Variants in DGKA observed in about 807,000 individuals in gnomAD.
The protein encoded by DGKA is diacylglycerol kinase alpha, also known as 80 kDa diacylglycerol kinase.
DGKA carries 35 observed loss-of-function variants against 105.0 expected under a neutral mutation model. The ratio of observed to expected loss-of-function variants is 0.33; its 90% CI spans 0.25 to 0.44. DGKA has a LOEUF of 0.44. Ranked by LOEUF, DGKA falls within the 20% of genes least tolerant of loss-of-function variation. The pLI is 1.00. For synonymous variants in DGKA, 296 were observed against 332.0 expected (o/e 0.89, Z 1.18); for missense variants, 665 against 915.0 (o/e 0.73, Z 3.53).
At chr12:55,942,359 G>A (rs548299582) in intron 17 of DGKA, 96 bp downstream of exon 17, 2 of 1,177,824 alleles carry the variant, frequency 1.7e-6, no homozygotes, top group Non-Finnish European at 1.3e-6. Context: ...GTATGGAAAG[G>A]ATTGGGGAAG....
At chr12:55,927,787 G>A, upstream of DGKA, 1 of 1,537,012 alleles carries the variant, frequency 6.5e-7, no homozygotes, top group Non-Finnish European at 8.7e-7. Flanking sequence ...GGACCAGGTT[G>A]GGCGGGCGGC....
At chr12:55,934,077 C>A (rs918730166) in intron 1 of DGKA, among the ~76,000 whole-genome samples, 1 of 152,122 alleles carries the variant, frequency 6.6e-6, no homozygotes, top group Non-Finnish European at 1.5e-5. Context: ...ATTTGCAAGT[C>A]CATTCTCTTA....
chr12:55,940,202 C>T lies in DGKA; in HGVS notation c.798+32C>T, dbSNP rs866840400. 1 of 1,613,774 alleles carries T rather than the reference C, an allele frequency of 6.2e-7. No homozygotes were observed. Reference sequence around the variant, plus strand: ...GATCTCATGCCTCCACCCCCAACATCACCTACATCCTGGCCCTGGCCCTGG... The same window carrying T: ...GATCTCATGCCTCCACCCCCAACATTACCTACATCCTGGCCCTGGCCCTGG... On this transcript the variant is annotated intron_variant, in intron 10 of 23. Transcript: ENST00000331886. This position sits in a 1 kb window ranked among gnomAD's most constrained non-coding sequence, Gnocchi z 4.3.
rs773012880 is a variant in DGKA at position 55,952,142 on chromosome 12, G to A, written c.1652+43G>A. 5 of 1,612,462 alleles carry A rather than the reference G, an allele frequency of 3.1e-6. No individual in the cohort carries two copies. Among genetic ancestry groups the A allele is most frequent in the Admixed American group, 1.7e-5 (1 of 60,004 alleles). ...GCAGTGTGGGCATACACAGTGTCAG[G>A]AGCCAGGTTTTGACCAAGTTTGACT... On this transcript the variant is annotated intron_variant, in intron 19 of 23. Transcript: ENST00000331886. The surrounding 1 kb of genome is among the most constrained non-coding windows in gnomAD (Gnocchi z 5.1).
At position 55,940,660 on chromosome 12, in the gene DGKA, T is replaced by A; in HGVS notation, c.955T>A (p.Cys319Ser). ...DDCLQAVGHE[C>S]DCGLLRDHIL... ...CTGCCTGCAAGCGGTGGGCCATGAG[T>A]GTGACTGTGGGCTGCTCCGGGATCA... The change falls in exon 12 of 24, where the codon TGT becomes AGT. Residue 319 changes from cysteine to serine, a missense_variant. Physicochemically the swap from Cys to Ser is moderately radical, Grantham distance 112. This residue lies in a region of DGKA where 504 missense variants were observed against 681.2 expected (regional missense o/e 0.74). Transcript: ENST00000331886. This position sits in a 1 kb window ranked among gnomAD's most constrained non-coding sequence, Gnocchi z 4.3. 1 of 1,599,810 alleles carries A rather than the reference T, an allele frequency of 6.3e-7. No individual in the cohort carries two copies. Among genetic ancestry groups the A allele is most frequent in the East Asian group, 2.2e-5 (1 of 44,756 alleles).
In DGKA at chr12:55,952,362, C is replaced by T. The variant is rs1252885925; in HGVS notation, c.1674C>T (p.Tyr558=). 6.2e-7 allele frequency: 1 copy of T among 1,614,152 alleles called. No homozygotes were observed. Among genetic ancestry groups the T allele is most frequent in the East Asian group, 2.2e-5 (1 of 44,880 alleles). ...ACAGAATGAAGAACAAGCTATGGTA[C>T]TTCGAATTTGCCACATCTGAATCCA... ...FNSRMKNKLW[Y]FEFATSESIF... is the part of the protein sequence containing the mutation. Residue 558 remains tyrosine, a synonymous_variant, in exon 20 of 24, where the codon TAC becomes TAT. Transcript: ENST00000331886. This position sits in a 1 kb window ranked among gnomAD's most constrained non-coding sequence, Gnocchi z 5.1.
chr12:55,945,016 T>C (rs1886730666), intron 17 of DGKA, among the ~76,000 whole-genome samples: 1 of 152,140 alleles, frequency 6.6e-6, no homozygotes, highest in South Asian at 2.1e-4. Flanking sequence ...GCCAGGCTGG[T>C]CTCGAGCTCC....
rs1888419430 is a variant in DGKA, at chr12:55,952,818, A to C, written c.1828A>C (p.Asn610His). The C allele has an allele frequency of 6.2e-7, 1 of 1,614,158 alleles. No individual in the cohort carries two copies. The highest frequency in any genetic ancestry group is 8.5e-7 in the Non-Finnish European group (1 of 1,180,026). ...LNIPSMHGGS[N>H]LWGDTRRPHG... Reference sequence around the variant, plus strand: ...CATCCCTAGCATGCATGGTGGCTCCAACCTCTGGGGTGATACCAGGAGACC... The same window carrying C: ...CATCCCTAGCATGCATGGTGGCTCCCACCTCTGGGGTGATACCAGGAGACC... Residue 610 changes from asparagine to histidine, a missense_variant, in exon 21 of 24, where the codon AAC becomes CAC. Asn to His is a moderately conservative substitution (Grantham distance 68). Around this residue, in one of 3 missense-constraint regions of DGKA, gnomAD observed 158 missense variants for 213.4 expected, o/e 0.74. Coordinates refer to ENST00000331886, the MANE Select transcript of DGKA (RefSeq NM_001345.5). The surrounding 1 kb of genome is among the most constrained non-coding windows in gnomAD (Gnocchi z 5.1).
intron 1 of DGKA, chr12:55,935,829 C>T: frequency 1.0e-5 from 10 of 961,050 alleles, no homozygotes; most frequent in Non-Finnish European, 1.2e-5. Flanking sequence ...GGTTCTGTGT[C>T]GCGCGTCAGA....
intron 1 of DGKA, among the ~76,000 whole-genome samples, chr12:55,934,570 T>G (rs1254996850): frequency 2.6e-5 from 4 of 152,216 alleles, no homozygotes; most frequent in African/African-American, 9.6e-5. Flanking sequence ...GGAAAAGGGC[T>G]AGGCTGTTCT....
At position 55,932,268 on chromosome 12, in the gene DGKA, G is replaced by T; in HGVS notation, c.-82+924G>T. ...ACAGCTGGAGCGGGTATCGAGAAGG[G>T]TCTGCGCTGGGACGCGGGGGTGCAG... On this transcript the variant is annotated intron_variant, in intron 1 of 23. Coordinates refer to ENST00000331886, the MANE Select transcript of DGKA (RefSeq NM_001345.5). This position sits in a 1 kb window ranked among gnomAD's most constrained non-coding sequence, Gnocchi z 4.3. The T allele has an allele frequency of 2.0e-6, 1 of 497,990 alleles. No homozygotes were observed. The highest frequency in any genetic ancestry group is 3.7e-6 in the Non-Finnish European group (1 of 272,886). The allele number at this position is 497,990 out of a possible 1,614,324, so 30.8% of individuals were successfully genotyped here. A position where few individuals can be genotyped will look rare whatever the true frequency, so the allele number is the denominator to read the frequency against.
At chr12:55,927,577 G>A (rs1364036122), upstream of DGKA, 1 of 1,037,242 alleles carries the variant, frequency 9.6e-7, no homozygotes, top group Admixed American at 2.4e-5. Context: ...GGGCGCACAA[G>A]TGTTTCTAGG....
In DGKA at chr12:55,952,799, T is replaced by C; in HGVS notation, c.1809T>C (p.Pro603=). 6.2e-7 allele frequency: 1 copy of C among 1,614,082 alleles called. No individual in the cohort carries two copies. Among genetic ancestry groups the C allele is most frequent in the East Asian group, 2.2e-5 (1 of 44,882 alleles). The change falls in exon 21 of 24, where the codon CCT becomes CCC. Residue 603 remains proline, a synonymous_variant. Coordinates refer to ENST00000331886, the MANE Select transcript of DGKA (RefSeq NM_001345.5). The surrounding 1 kb of genome is among the most constrained non-coding windows in gnomAD (Gnocchi z 5.1). ...AAGGCATCGCAGTGCTAAACATCCC[T>C]AGCATGCATGGTGGCTCCAACCTCT... ...SLEGIAVLNI[P]SMHGGSNLWG... is the part of the protein sequence containing the mutation.
chr12:55,953,480 G>A, intron 23 of DGKA, 70 bp downstream of exon 23: 2 of 1,511,144 alleles, frequency 1.3e-6, no homozygotes, highest in East Asian at 4.5e-5. Context: ...CCATTCCACA[G>A]CTTCTTTACA....
At chr12:55,953,549 C>A in intron 23 of DGKA, 136 bp from the exon 24 acceptor site, 4 of 1,315,332 alleles carry the variant, frequency 3.0e-6, no homozygotes, top group South Asian at 1.3e-5. Context: ...GATTTCTCAG[C>A]CCCTGGTTTC....
intron 17 of DGKA, among the ~76,000 whole-genome samples, chr12:55,946,564 C>T (rs1316289391): frequency 6.6e-6 from 1 of 152,160 alleles, no homozygotes; most frequent in Non-Finnish European, 1.5e-5. Context: ...GCCATGTTGG[C>T]CAGGCTGGTC....
chr12:55,952,545 C>T lies in DGKA; in HGVS notation c.1743+114C>T. On this transcript the variant is annotated intron_variant, in intron 20 of 23. Transcript: ENST00000331886. This position sits in a 1 kb window ranked among gnomAD's most constrained non-coding sequence, Gnocchi z 5.1. The stretch of plus-strand genomic sequence containing the variant: ...ATTCTTGAACCTATGCTTCTTTAAC[C>T]TCCCAGCTCTCCTACCCCAATTCTC... 2 of 1,219,588 alleles carry T rather than the reference C, an allele frequency of 1.6e-6. No homozygotes were observed. Among genetic ancestry groups the T allele is most frequent in the Middle Eastern group, 1.9e-4 (1 of 5,326 alleles). 75.5% of individuals were successfully genotyped at this position (1,219,588 alleles called of 1,614,324 possible). A position where few individuals can be genotyped will look rare whatever the true frequency, so the allele number is the denominator to read the frequency against.
chr12:55,953,120 G>C lies in DGKA; in HGVS notation c.2023G>C (p.Ala675Pro). ...MGQIYTKLKN[A>P]GRRLAKCSEI... ...CCAAATCTATACCAAGCTCAAGAATGCTGGACGTCGGCTGGCCAAGTGCTC... is the reference window on the plus strand; with the variant it reads ...CCAAATCTATACCAAGCTCAAGAATCCTGGACGTCGGCTGGCCAAGTGCTC... Residue 675 changes from alanine (A) to proline (P), a missense_variant, in exon 22 of 24, where the codon GCT becomes CCT. Transcript: ENST00000331886. 1 of 1,614,152 alleles carries C rather than the reference G, an allele frequency of 6.2e-7. No homozygotes were observed. Among genetic ancestry groups the C allele is most frequent in the Non-Finnish European group, 8.5e-7 (1 of 1,180,040 alleles).
intron 17 of DGKA, among the ~76,000 whole-genome samples, chr12:55,949,233 T>C (rs1183718027): frequency 1.3e-5 from 2 of 152,014 alleles, no homozygotes; most frequent in Admixed American, 1.3e-4. Context: ...AGTCTCACTC[T>C]GTCACCCAGG....
Sources: gnomAD v4.1 joint callset for allele counts (sites outside exome capture counted in the v4.1 genomes callset) on GRCh38, gnomAD v4.1.1 for gene constraint, gnomAD v4.1.1 regional missense constraint, Gnocchi (gnomAD v3.1) non-coding constraint, MANE v1.5 for transcripts, NCBI Gene and HGNC (gene_info 2026-07-23, HGNC 2026-07-21) for gene names.